AUTS2: variants seen among roughly 807,000 people sequenced by gnomAD.
The protein encoded by AUTS2 is autism susceptibility gene 2 protein.
Under a neutral mutation model 112.4 loss-of-function variants are expected in AUTS2, and 17 were observed. The observed-to-expected ratio is 0.15, with a 90% CI of 0.10 to 0.23. AUTS2 has a LOEUF of 0.23. Among genes scored for constraint, AUTS2 ranks in the 10% least tolerant of loss-of-function variants. The pLI, the probability that AUTS2 is intolerant of heterozygous loss-of-function variation, is 1.00. For synonymous variants in AUTS2, 751 were observed against 702.7 expected, an observed-to-expected ratio of 1.07 and a Z score of -1.09; for missense variants, 1,510 against 1,701.6, an observed-to-expected ratio of 0.89 and a Z score of 1.98.
chr7:70,416,467 G>A (rs909854127), intron 4 of AUTS2, among the ~76,000 whole-genome samples: 3 of 152,176 alleles, frequency 2.0e-5, no homozygotes, highest in African/African-American at 7.2e-5. Context: ...AATGGGCCTT[G>A]CCCAAGCTCA....
chr7:69,762,570 A>C (rs1014854165), intron 1 of AUTS2, among the ~76,000 whole-genome samples: 2 of 151,452 alleles, frequency 1.3e-5, no homozygotes, highest in African/African-American at 4.9e-5. Flanking sequence ...CGGCCTCCCA[A>C]AGTGCTGGGA....
chr7:70,366,702 T>C (rs997583519), intron 4 of AUTS2, among the ~76,000 whole-genome samples: 5 of 151,968 alleles, frequency 3.3e-5, no homozygotes, highest in African/African-American at 1.2e-4. Flanking sequence ...GAAGAAGGAA[T>C]GTTCCAAAGG....
At chr7:70,109,102 T>C (rs1804934007) in intron 2 of AUTS2, among the ~76,000 whole-genome samples, 1 of 152,184 alleles carries the variant, frequency 6.6e-6, no homozygotes, top group Admixed American at 6.5e-5. Context: ...CATTTTCTAT[T>C]TGAGAGTGGT....
chr7:69,779,235 A>G (rs959834895), intron 1 of AUTS2, among the ~76,000 whole-genome samples: 1 of 151,816 alleles, frequency 6.6e-6, no homozygotes, highest in Non-Finnish European at 1.5e-5. Context: ...ACACTGTTTT[A>G]TTTATTTAGG....
intron 1 of AUTS2, among the ~76,000 whole-genome samples, chr7:69,812,305 T>G (rs1170699523): frequency 6.6e-6 from 1 of 152,136 alleles, no homozygotes; most frequent in African/African-American, 2.4e-5. Context: ...AAAAAACAAG[T>G]GATACTATGT....
chr7:69,616,665 A>G (rs1447362757), intron 1 of AUTS2, among the ~76,000 whole-genome samples: 1 of 152,200 alleles, frequency 6.6e-6, no homozygotes, highest in Non-Finnish European at 1.5e-5. Flanking sequence ...ATCATTCATC[A>G]AATTTAATAT....
At chr7:70,715,792 A>G (rs1387543792) in intron 6 of AUTS2, among the ~76,000 whole-genome samples, 1 of 151,846 alleles carries the variant, frequency 6.6e-6, no homozygotes, top group Non-Finnish European at 1.5e-5. Flanking sequence ...CTGTCCTCCC[A>G]AAGTGCTGGG....
At chr7:69,998,154 A>T (rs1417477190) in intron 2 of AUTS2, among the ~76,000 whole-genome samples, 1 of 151,980 alleles carries the variant, frequency 6.6e-6, no homozygotes, top group Non-Finnish European at 1.5e-5. Flanking sequence ...GAGTGATTTG[A>T]TTATTCTTTC....
At position 69,825,502 on chromosome 7, in the gene AUTS2, C is replaced by A. The variant is rs185915591; in HGVS notation, c.310-73784C>A. On this transcript the variant is annotated intron_variant, in intron 1 of 18. Transcript: ENST00000342771. ...TTCTCAGCAGTAACCTTGTTGTCTT[C>A]CATTGCAGTGCTGATTTTGACAATG... Among the ~76,000 whole-genome samples the A allele has an allele frequency of 2.1e-3, 323 of 152,108 alleles. 1 individual carries two copies. The highest frequency in any genetic ancestry group is 7.4e-3 in the African/African-American group (309 of 41,546).
chr7:70,605,195 A>G (rs1401125543), intron 5 of AUTS2, among the ~76,000 whole-genome samples: 1 of 152,162 alleles, frequency 6.6e-6, no homozygotes, highest in Non-Finnish European at 1.5e-5. Flanking sequence ...ATCCACTTTA[A>G]AGCATCATAA....
At chr7:69,994,086 G>T (rs1432892523) in intron 2 of AUTS2, among the ~76,000 whole-genome samples, 2 of 151,784 alleles carry the variant, frequency 1.3e-5, no homozygotes, top group African/African-American at 4.8e-5. Flanking sequence ...TATTAATAAG[G>T]CTGGGCATGG....
intron 6 of AUTS2, among the ~76,000 whole-genome samples, chr7:70,702,432 C>A (rs1320389000): frequency 6.6e-6 from 1 of 152,192 alleles, no homozygotes; most frequent in South Asian, 2.1e-4. Context: ...CATAGATAGA[C>A]GGTGAGAGGG....
intron 4 of AUTS2, among the ~76,000 whole-genome samples, chr7:70,248,632 A>AT (rs557519433): frequency 1.2e-3 from 182 of 151,480 alleles, no homozygotes; most frequent in African/African-American, 3.8e-3. Flanking sequence ...CCCTTTCTAC[A>AT]TTTTTTTTCT....
intron 5 of AUTS2, among the ~76,000 whole-genome samples, chr7:70,592,787 G>A (rs1205831253): frequency 6.6e-6 from 1 of 152,154 alleles, no homozygotes; most frequent in Non-Finnish European, 1.5e-5. Flanking sequence ...AATGTTTGTT[G>A]AACATAAATG....
chr7:69,602,251 C>A (rs1279646644), intron 1 of AUTS2, among the ~76,000 whole-genome samples: 1 of 151,754 alleles, frequency 6.6e-6, no homozygotes, highest in Non-Finnish European at 1.5e-5. Context: ...AAAAGCAGAC[C>A]AAGTTCAAAA....
chr7:69,993,723 C>T (rs1294544311), intron 2 of AUTS2, among the ~76,000 whole-genome samples: 1 of 151,418 alleles, frequency 6.6e-6, no homozygotes, highest in African/African-American at 2.4e-5. Context: ...AATAGTGAGA[C>T]CCTGTCTTCC....
At chr7:70,139,962 T>C (rs2129575305) in intron 4 of AUTS2, among the ~76,000 whole-genome samples, 2 of 152,248 alleles carry the variant, frequency 1.3e-5, no homozygotes, top group South Asian at 2.1e-4. Flanking sequence ...GATGGCGCCA[T>C]TGCACTCCAG....
At chr7:70,378,600 C>T (rs1651503356) in intron 4 of AUTS2, among the ~76,000 whole-genome samples, 1 of 152,194 alleles carries the variant, frequency 6.6e-6, no homozygotes, top group Non-Finnish European at 1.5e-5. Flanking sequence ...CTTAAGTTCA[C>T]ACAGCTAGTA....
intron 4 of AUTS2, among the ~76,000 whole-genome samples, chr7:70,253,319 A>G (rs1454597759): frequency 6.6e-6 from 1 of 152,186 alleles, no homozygotes; most frequent in Non-Finnish European, 1.5e-5. Flanking sequence ...CTCTGTTAGT[A>G]CATACTAGGT....
Sources: allele counts gnomAD v4.1 joint callset (sites outside exome capture counted in the v4.1 genomes callset), GRCh38; gene constraint gnomAD v4.1.1; transcripts MANE v1.5; gene names NCBI Gene and HGNC (gene_info 2026-07-23, HGNC 2026-07-21).